The following ELAVL4 variants were observed in gnomAD, a reference collection of about 807,000 sequenced individuals.
ELAVL4 encodes the protein ELAV like RNA binding protein 4, also known as ELAV-like protein 4.
In ELAVL4, 1 loss-of-function variant was observed where a neutral mutation model predicts 35.6. That is an observed-to-expected ratio of 0.03 (90% CI 0.01 to 0.13). The LOEUF is 0.13. Among genes scored for constraint, ELAVL4 ranks in the 10% least tolerant of loss-of-function variants. ELAVL4 has a pLI of 1.00. For missense variants in ELAVL4, 267 were observed against 464.9 expected (o/e 0.57, Z 3.91); for synonymous variants, 156 against 171.0 (o/e 0.91, Z 0.69).
At chr1:50,078,706 AG>A (rs755929629) in intron 1 of ELAVL4, among the ~76,000 whole-genome samples, 1 of 152,162 alleles carries the variant, frequency 6.6e-6, no homozygotes, top group South Asian at 2.1e-4. Flanking sequence ...TCTGTGGCAG[AG>A]GTAGAGCAAG....
At position 50,195,778 on chromosome 1, in the gene ELAVL4, G is replaced by C; in HGVS notation, c.726G>C (p.Gln242His). Residue 242 changes from glutamine to histidine, a missense_variant, in exon 5 of 7, where the codon CAG (glutamine) becomes CAC (histidine). Transcript: ENST00000371824. ...RYPGPLHHQA[Q>H]RFRLDNLLNM... ...CAGGTCCACTTCACCACCAGGCTCAGAGGTTCAGGTAGGCATGCCCAAAGA... is the reference window on the plus strand; with the variant it reads ...CAGGTCCACTTCACCACCAGGCTCACAGGTTCAGGTAGGCATGCCCAAAGA... 6.2e-7 allele frequency: 1 copy of C among 1,614,136 alleles called. No homozygotes were observed. Among genetic ancestry groups the C allele is most frequent in the Non-Finnish European group, 8.5e-7 (1 of 1,180,002 alleles).
intron 1 of ELAVL4, among the ~76,000 whole-genome samples, chr1:50,112,955 GAGAA>G (rs887014236): frequency 6.6e-6 from 1 of 152,118 alleles, no homozygotes; most frequent in Non-Finnish European, 1.5e-5. Context: ...AAGAGAGAGA[GAGAA>G]AGAAAATGAA....
At chr1:50,063,371 G>T (rs1011868290) in intron 1 of ELAVL4, among the ~76,000 whole-genome samples, 1 of 151,952 alleles carries the variant, frequency 6.6e-6, no homozygotes, top group Non-Finnish European at 1.5e-5. Context: ...CATATTTCCT[G>T]GTCATTGTCT....
chr1:50,063,124 A>G (rs1212039243), intron 1 of ELAVL4, among the ~76,000 whole-genome samples: 1 of 152,120 alleles, frequency 6.6e-6, no homozygotes, highest in Non-Finnish European at 1.5e-5. Flanking sequence ...TCCAGTGGAT[A>G]TATAGTCTTC....
At chr1:50,179,850 T>C (rs902797420) in intron 3 of ELAVL4, 1 of 152,182 alleles carries the variant, frequency 6.6e-6, no homozygotes, top group Non-Finnish European at 1.5e-5. Context: ...AACAGCTGGA[T>C]TCAGGGAAGG....
intron 1 of ELAVL4, among the ~76,000 whole-genome samples, chr1:50,080,198 T>C (rs1424365996): frequency 3.3e-5 from 5 of 152,340 alleles, no homozygotes; most frequent in Middle Eastern, 3.4e-3. Context: ...GTTAACTAAA[T>C]GTAAATCAGT....
intron 1 of ELAVL4, among the ~76,000 whole-genome samples, chr1:50,133,547 C>CA (rs1671214423): frequency 6.9e-6 from 1 of 144,456 alleles, no homozygotes; most frequent in Non-Finnish European, 1.5e-5. Flanking sequence ...TTTTTTCTAA[C>CA]ATTTATCTCT....
rs767350030 is a variant in ELAVL4 at position 50,195,657 on chromosome 1, C to A, written c.605C>A (p.Thr202Lys). The A allele has an allele frequency of 2.5e-6, 4 of 1,614,144 alleles. No individual in the cohort carries two copies. Among genetic ancestry groups the A allele is most frequent in the South Asian group, 2.2e-5 (2 of 91,088 alleles). Residue 202 changes from threonine (T) to lysine (K), a missense_variant, in exon 5 of 7, where the codon ACG becomes AAG. Around this residue, in one of 2 missense-constraint regions of ELAVL4, gnomAD observed 216 missense variants for 409.5 expected, o/e 0.53. Transcript: ENST00000371824. ...GLNGQKPSGA[T>K]EPITVKFANN... ...AATGGCCAGAAGCCCAGCGGTGCTA[C>A]GGAACCGATTACTGTGAAGTTTGCC...
intron 2 of ELAVL4, among the ~76,000 whole-genome samples, chr1:50,153,910 A>T (rs1463365831): frequency 6.6e-6 from 1 of 152,232 alleles, no homozygotes; most frequent in Admixed American, 6.5e-5. Context: ...AGCTATCTGC[A>T]AGCCAGAAAA....
At chr1:50,055,425 G>A (rs1268109730) in intron 1 of ELAVL4, among the ~76,000 whole-genome samples, 2 of 151,856 alleles carry the variant, frequency 1.3e-5, no homozygotes, top group South Asian at 2.1e-4. Flanking sequence ...TCAGCCTCCC[G>A]AGTAGCTGGG....
At chr1:50,182,644 A>T (rs2148848278) in intron 3 of ELAVL4, among the ~76,000 whole-genome samples, 1 of 152,322 alleles carries the variant, frequency 6.6e-6, no homozygotes, top group Admixed American at 6.5e-5. Flanking sequence ...GCCACATAGA[A>T]TGTTTGACAG....
At chr1:50,117,768 A>G (rs1367012441) in intron 1 of ELAVL4, among the ~76,000 whole-genome samples, 1 of 152,122 alleles carries the variant, frequency 6.6e-6, no homozygotes, top group African/African-American at 2.4e-5. Context: ...CCATCTGCCC[A>G]TGCCAGATGT....
At chr1:50,117,836 A>G (rs1668219861) in intron 1 of ELAVL4, among the ~76,000 whole-genome samples, 1 of 152,076 alleles carries the variant, frequency 6.6e-6, no homozygotes, top group Admixed American at 6.5e-5. Context: ...CCAGCATGCA[A>G]GAAGGGTGGC....
chr1:50,171,211 C>G (rs1277364771), intron 2 of ELAVL4, among the ~76,000 whole-genome samples: 1 of 152,080 alleles, frequency 6.6e-6, no homozygotes, highest in African/African-American at 2.4e-5. Context: ...GCTCCAGAAC[C>G]CCAAGGGATC....
At chr1:50,185,832 G>C (rs959518470) in intron 3 of ELAVL4, among the ~76,000 whole-genome samples, 1 of 152,078 alleles carries the variant, frequency 6.6e-6, no homozygotes, top group African/African-American at 2.4e-5. Context: ...CTTTGTATAG[G>C]GGAAAGTATT....
intron 2 of ELAVL4, chr1:50,175,879 C>G (rs1051426312): frequency 6.6e-6 from 1 of 152,228 alleles, no homozygotes; most frequent in Non-Finnish European, 1.5e-5. Flanking sequence ...GGCCCCCGTA[C>G]TCCAAAGAGA....
intron 1 of ELAVL4, among the ~76,000 whole-genome samples, chr1:50,085,273 C>T (rs1427750358): frequency 1.3e-5 from 2 of 152,194 alleles, no homozygotes; most frequent in African/African-American, 4.8e-5. Context: ...TGACATTTGG[C>T]CAGAGTTCCA....
rs768032305 is a variant in ELAVL4 at position 50,193,754 on chromosome 1, C to A, written c.355-11C>A. ...CCTATAATGGAATTAGCTCCTCTTGCCTTTTCCTAGGTCTCATATGCCCGT... is the reference window on the plus strand; with the variant it reads ...CCTATAATGGAATTAGCTCCTCTTGACTTTTCCTAGGTCTCATATGCCCGT... On this transcript the variant is annotated splice_polypyrimidine_tract_variant and intron_variant, in intron 3 of 6. Transcript: ENST00000371824. 1 of 1,611,032 alleles carries A rather than the reference C, an allele frequency of 6.2e-7. No homozygotes were observed. The highest frequency in any genetic ancestry group is 1.1e-5 in the South Asian group (1 of 90,560).
intron 1 of ELAVL4, among the ~76,000 whole-genome samples, chr1:50,059,993 T>C (rs1323730196): frequency 6.6e-6 from 1 of 152,138 alleles, no homozygotes; most frequent in Non-Finnish European, 1.5e-5. Flanking sequence ...GGGGGAATAA[T>C]GGAAGTGTTT....
Sources: gnomAD v4.1 joint callset for allele counts (sites outside exome capture counted in the v4.1 genomes callset) on GRCh38, gnomAD v4.1.1 for gene constraint, gnomAD v4.1.1 regional missense constraint, MANE v1.5 for transcripts, NCBI Gene and HGNC (gene_info 2026-07-23, HGNC 2026-07-21) for gene names.